The following TSHZ1 variants were observed in gnomAD, a reference collection of about 807,000 sequenced individuals.
TSHZ1 encodes the protein teashirt homolog 1.
In TSHZ1, 12 loss-of-function variants were observed where a neutral mutation model predicts 67.1. That is an observed-to-expected ratio of 0.18 (90% CI 0.11 to 0.29). The LOEUF (loss-of-function observed/expected upper bound fraction) is 0.29, where lower values mean the gene tolerates loss of function less well. TSHZ1 is among the 10% of genes least tolerant of loss of function. TSHZ1 has a pLI of 1.00. For synonymous variants in TSHZ1, 632 were observed against 622.4 expected, an observed-to-expected ratio of 1.02 and a Z score of -0.23; for missense variants, 1,305 against 1,413.9, an observed-to-expected ratio of 0.92 and a Z score of 1.23.
At chr18:75,279,536 C>A (rs961741122) in intron 1 of TSHZ1, among the ~76,000 whole-genome samples, 2 of 152,202 alleles carry the variant, frequency 1.3e-5, no homozygotes, top group East Asian at 3.9e-4. Flanking sequence ...GATGGAGAAC[C>A]CCCTGCAGTG....
chr18:75,255,896 C>T lies in TSHZ1; in HGVS notation c.41-29552C>T, dbSNP rs532060956. Among the ~76,000 whole-genome samples, 7 of 152,276 alleles carry T rather than the reference C, an allele frequency of 4.6e-5. No homozygotes were observed. The South Asian group carries it at 1.5e-3, about 32-fold the overall frequency. On this transcript the variant is annotated intron_variant, in intron 1 of 1. Transcript: ENST00000580243. ...TACTTATGTCCTAGAAGAATGTCAT[C>T]AGAACTATTTATTGCTCACTAAAGA...
intron 1 of TSHZ1, among the ~76,000 whole-genome samples, chr18:75,277,202 A>T (rs1285946471): frequency 6.6e-6 from 1 of 152,214 alleles, no homozygotes; most frequent in Non-Finnish European, 1.5e-5. Flanking sequence ...ATTAAGACGG[A>T]TGCTGGCTCA....
intron 1 of TSHZ1, among the ~76,000 whole-genome samples, chr18:75,218,903 G>A (rs1464640264): frequency 1.3e-5 from 2 of 151,268 alleles, no homozygotes; most frequent in African/African-American, 2.4e-5. Flanking sequence ...TTTCCTGGTC[G>A]AAAGAATGGT....
At chr18:75,276,908 A>G (rs767375609) in intron 1 of TSHZ1, among the ~76,000 whole-genome samples, 83 of 152,342 alleles carry the variant, frequency 5.4e-4, no homozygotes, top group Non-Finnish European at 9.1e-4. Context: ...ACGTGTGCTA[A>G]TGAGGAAAAG....
At chr18:75,237,915 C>A (rs956997794) in intron 1 of TSHZ1, among the ~76,000 whole-genome samples, 1 of 152,072 alleles carries the variant, frequency 6.6e-6, no homozygotes, top group African/African-American at 2.4e-5. Flanking sequence ...TGGGTTCAAG[C>A]GATTCTCCTG....
chr18:75,247,260 C>T (rs1286012914), intron 1 of TSHZ1, among the ~76,000 whole-genome samples: 2 of 152,182 alleles, frequency 1.3e-5, no homozygotes, highest in African/African-American at 2.4e-5. Context: ...GCAGGCCATG[C>T]GGTCAGGGCT....
chr18:75,218,049 C>T (rs1319539737), intron 1 of TSHZ1, among the ~76,000 whole-genome samples: 4 of 152,138 alleles, frequency 2.6e-5, no homozygotes, highest in African/African-American at 9.7e-5. Context: ...GTAAGATGTG[C>T]ACTATTGTTG....
rs774595432 is a variant in TSHZ1 at position 75,286,962 on chromosome 18, G to A, written c.1555G>A (p.Glu519Lys). Residue 519 changes from glutamate (E) to lysine (K), a missense_variant, in exon 2 of 2, where the codon GAG (glutamate) becomes AAG (lysine). Glu to Lys is a moderately conservative substitution (Grantham distance 56). Transcript: ENST00000580243. This position sits in a 1 kb window ranked among gnomAD's most constrained non-coding sequence, Gnocchi z 5.1. ...TGGCGACGCGGAGAAGATCAAGGAG[G>A]AGAGTGAGGACAGCTTGGAGAAATT... Reference protein sequence around the residue: ...VAGDAEKIKEESEDSLEKFEP... With the variant: ...VAGDAEKIKEKSEDSLEKFEP... 2 of 1,614,132 alleles carry A rather than the reference G, an allele frequency of 1.2e-6. No individual in the cohort carries two copies. The highest frequency in any genetic ancestry group is 2.2e-5 in the East Asian group (1 of 44,880).
intron 1 of TSHZ1, among the ~76,000 whole-genome samples, chr18:75,268,919 C>CT (rs1308199321): frequency 6.6e-6 from 1 of 152,178 alleles, no homozygotes; most frequent in Non-Finnish European, 1.5e-5. Context: ...ATTTTCCTCT[C>CT]TTTATGATTC....
Position 75,285,658 on chromosome 18 carries a change from A to G in TSHZ1, c.251A>G (p.Gln84Arg), listed in dbSNP as rs1298794343. 1.2e-6 allele frequency: 2 copies of G among 1,614,080 alleles called. No individual in the cohort carries two copies. The highest frequency in any genetic ancestry group is 1.7e-6 in the Non-Finnish European group (2 of 1,180,012). ...YGSPFSESSD[Q>R]LAHFKGSSSR... is the part of the protein sequence containing the mutation. ...TCGCCCTTCAGTGAGAGCAGCGACC[A>G]GCTAGCCCATTTCAAAGGCTCTTCC... is the stretch of plus-strand genomic sequence containing the variant. Residue 84 changes from glutamine (Q) to arginine (R), a missense_variant, in exon 2 of 2, where the codon CAG (glutamine) becomes CGG (arginine). This residue lies in a region of TSHZ1 where 358 missense variants were observed against 375.6 expected (regional missense o/e 0.95). Coordinates refer to ENST00000580243, the MANE Select transcript of TSHZ1 (RefSeq NM_001308210.2).
intron 1 of TSHZ1, among the ~76,000 whole-genome samples, chr18:75,240,784 C>T (rs953023048): frequency 4.6e-5 from 7 of 152,314 alleles, no homozygotes; most frequent in African/African-American, 1.4e-4. Flanking sequence ...CCATAAGGTA[C>T]TTCAACAAAA....
chr18:75,257,916 C>T (rs1313132380), intron 1 of TSHZ1, among the ~76,000 whole-genome samples: 5 of 152,158 alleles, frequency 3.3e-5, no homozygotes, highest in Admixed American at 6.5e-5. Context: ...GAGGGCTGCA[C>T]GCTTAGAACC....
Position 75,286,503 on chromosome 18 carries a change from G to A in TSHZ1, c.1096G>A (p.Glu366Lys). Reference protein sequence around the residue: ...LQDLAPPCSPEPAGMAAEVAL... With the variant: ...LQDLAPPCSPKPAGMAAEVAL... ...GGACCTGGCGCCCCCCTGCTCCCCT[G>A]AGCCAGCAGGAATGGCCGCAGAGGT... Residue 366 changes from glutamate (E) to lysine (K), a missense_variant, in exon 2 of 2, where the codon GAG becomes AAG. Transcript: ENST00000580243. This position sits in a 1 kb window ranked among gnomAD's most constrained non-coding sequence, Gnocchi z 5.1. The A allele has an allele frequency of 6.2e-7, 1 of 1,614,188 alleles. No individual in the cohort carries two copies. The highest frequency in any genetic ancestry group is 1.1e-5 in the South Asian group (1 of 91,084).
intron 1 of TSHZ1, among the ~76,000 whole-genome samples, chr18:75,264,296 T>G (rs1210395420): frequency 6.6e-6 from 1 of 152,158 alleles, no homozygotes; most frequent in African/African-American, 2.4e-5. Context: ...ATATCTGAAA[T>G]GGATAGTTTA....
chr18:75,240,802 A>G (rs2023146107), intron 1 of TSHZ1, among the ~76,000 whole-genome samples: 1 of 152,200 alleles, frequency 6.6e-6, no homozygotes, highest in Non-Finnish European at 1.5e-5. Flanking sequence ...AAAGGATCCC[A>G]TTGCACAATG....
chr18:75,289,184 G>A lies in TSHZ1; in HGVS notation c.*543G>A, dbSNP rs1296660899. 3 of 167,018 alleles carry A rather than the reference G, an allele frequency of 1.8e-5. No individual in the cohort carries two copies. The highest frequency in any genetic ancestry group is 4.4e-5 in the Non-Finnish European group (3 of 68,160). 10.3% of individuals were successfully genotyped at this position (167,018 alleles called of 1,614,324 possible). On this transcript the variant is annotated 3_prime_UTR_variant, in exon 2 of 2. Transcript: ENST00000580243. ...AAATGAGCTTTTATATGCAGAACTGGTTTGTGAGGAAACATGCATGCAGCT... is the reference window on the plus strand; with the variant it reads ...AAATGAGCTTTTATATGCAGAACTGATTTGTGAGGAAACATGCATGCAGCT...
intron 1 of TSHZ1, among the ~76,000 whole-genome samples, chr18:75,244,935 C>T (rs1490201416): frequency 6.6e-6 from 1 of 152,154 alleles, no homozygotes; most frequent in Non-Finnish European, 1.5e-5. Flanking sequence ...TGTCTCTTCT[C>T]TCTCTCCTCT....
chr18:75,280,796 C>T (rs755480631), intron 1 of TSHZ1: 37 of 985,314 alleles, frequency 3.8e-5, no homozygotes, highest in Non-Finnish European at 4.5e-5. Context: ...AGTCACAGCT[C>T]TATGAGGAGG....
At position 75,287,863 on chromosome 18, in the gene TSHZ1, C is replaced by T. The variant is rs761584950; in HGVS notation, c.2456C>T (p.Pro819Leu). 67 of 1,614,186 alleles carry T rather than the reference C, an allele frequency of 4.2e-5. 1 individual carries two copies. The highest frequency in any genetic ancestry group is 3.6e-4 in the East Asian group (16 of 44,884). Residue 819 changes from proline (P) to leucine (L), a missense_variant, in exon 2 of 2, where the codon CCG becomes CTG. By Grantham distance (98) the Pro-to-Leu change is moderately conservative (BLOSUM62 -3). This residue lies in a region of TSHZ1 where 909 missense variants were observed against 961.8 expected (regional missense o/e 0.95). Coordinates refer to ENST00000580243, the MANE Select transcript of TSHZ1 (RefSeq NM_001308210.2). This position sits in a 1 kb window ranked among gnomAD's most constrained non-coding sequence, Gnocchi z 5.0. ...GACTTAACCAAGTCCAAGAACAAGC[C>T]GCTGGTGTCCAGCGTGGCTGATTCG... ...PIDLTKSKNKPLVSSVADSVA... is the reference protein window; with the variant it reads ...PIDLTKSKNKLLVSSVADSVA...
Sources: gnomAD v4.1 joint callset for allele counts (sites outside exome capture counted in the v4.1 genomes callset) on GRCh38, gnomAD v4.1.1 for gene constraint, gnomAD v4.1.1 regional missense constraint, Gnocchi (gnomAD v3.1) non-coding constraint, MANE v1.5 for transcripts, NCBI Gene and HGNC (gene_info 2026-07-23, HGNC 2026-07-21) for gene names.